Variants in NRXN3 observed in about 807,000 individuals in gnomAD.
NRXN3 encodes neurexin 3.
A neutral mutation model predicts 137.6 loss-of-function variants in NRXN3; 32 were observed. The ratio of observed to expected loss-of-function variants is 0.23; its 90% confidence interval spans 0.18 to 0.31. The LOEUF is 0.31. Ranked by LOEUF, NRXN3 falls within the 10% of genes least tolerant of loss-of-function variation. NRXN3 has a pLI of 1.00. For missense variants in NRXN3, 1,574 were observed against 2,062.5 expected (o/e 0.76, Z 4.59); for synonymous variants, 798 against 784.5 (o/e 1.02, Z -0.29).
At chr14:79,479,515 T>C (rs2096588405) in intron 16 of NRXN3, among the ~76,000 whole-genome samples, 1 of 151,860 alleles carries the variant, frequency 6.6e-6, no homozygotes, top group Admixed American at 6.6e-5. Context: ...TAATTTTCTA[T>C]TCAATATAAT....
At chr14:78,956,733 A>T (rs1395910929) in intron 10 of NRXN3, among the ~76,000 whole-genome samples, 3 of 152,090 alleles carry the variant, frequency 2.0e-5, no homozygotes, top group Non-Finnish European at 4.4e-5. Context: ...TCCTAGTAGG[A>T]CCCTGTGTTA....
At chr14:79,507,400 AT>A (rs1236411150) in intron 16 of NRXN3, among the ~76,000 whole-genome samples, 1 of 152,248 alleles carries the variant, frequency 6.6e-6, no homozygotes, top group Admixed American at 6.5e-5. Flanking sequence ...GTCTAAAATT[AT>A]TTTAAAATAA....
chr14:79,058,032 T>C (rs1043411784), intron 15 of NRXN3, among the ~76,000 whole-genome samples: 3 of 152,094 alleles, frequency 2.0e-5, no homozygotes, highest in Admixed American at 1.3e-4. Context: ...AGGTTAAAAA[T>C]ATGAATCTTT....
intron 19 of NRXN3, among the ~76,000 whole-genome samples, chr14:79,776,372 A>G (rs190137441): frequency 1.3e-5 from 2 of 152,302 alleles, no homozygotes; most frequent in African/African-American, 2.4e-5. Flanking sequence ...AAAGATTCCA[A>G]TGGACCAATA....
chr14:78,404,899 CAGGG>C (rs2153658409), intron 4 of NRXN3, among the ~76,000 whole-genome samples: 1 of 152,306 alleles, frequency 6.6e-6, no homozygotes, highest in Non-Finnish European at 1.5e-5. Flanking sequence ...CACACAAACA[CAGGG>C]TCTCTCTGCC....
At chr14:79,346,204 G>A (rs902995781) in intron 15 of NRXN3, among the ~76,000 whole-genome samples, 13 of 152,160 alleles carry the variant, frequency 8.5e-5, no homozygotes, top group African/African-American at 2.9e-4. Context: ...TGGATTACCT[G>A]AGGTCAGGAG....
chr14:78,311,357 T>C (rs2077958433), intron 4 of NRXN3, among the ~76,000 whole-genome samples: 2 of 152,158 alleles, frequency 1.3e-5, no homozygotes, highest in Non-Finnish European at 2.9e-5. Context: ...TGTGATCCCA[T>C]TATGCTTTCA....
intron 15 of NRXN3, among the ~76,000 whole-genome samples, chr14:79,170,617 T>G (rs1330910936): frequency 2.6e-5 from 4 of 152,064 alleles, no homozygotes; most frequent in Non-Finnish European, 4.4e-5. Flanking sequence ...TCTACTTTTT[T>G]TTGTTGTTGT....
At chr14:79,255,701 G>A (rs76223262) in intron 15 of NRXN3, among the ~76,000 whole-genome samples, 4,678 of 152,276 alleles carry the variant, frequency 0.031, 221 homozygotes, top group African/African-American at 0.1. Flanking sequence ...GCTACATAGC[G>A]AGGATTATGC....
rs2098945424 is a variant in NRXN3 at position 78,819,830 on chromosome 14, TTATAATTA to T, written c.2275+9492_2275+9499del. ...AACCAATCAGAAGCAGCCAACAAATTTATAATTATATAACTAGGGACTTTCCAATAGGA... is the reference window on the plus strand; with the variant it reads ...AACCAATCAGAAGCAGCCAACAAATTTATAACTAGGGACTTTCCAATAGGA... On this transcript the variant is annotated intron_variant, in intron 10 of 20. Coordinates refer to ENST00000335750, the MANE Select transcript of NRXN3 (RefSeq NM_001330195.2). Among the ~76,000 whole-genome samples, 3 of 152,126 alleles carry T rather than the reference TTATAATTA, an allele frequency of 2.0e-5. No individual in the cohort carries two copies. The East Asian group carries it at 5.8e-4, about 29-fold the overall frequency.
chr14:79,382,038 C>G (rs1266732871), intron 15 of NRXN3, among the ~76,000 whole-genome samples: 1 of 152,168 alleles, frequency 6.6e-6, no homozygotes, highest in Admixed American at 6.5e-5. Flanking sequence ...ATAATTTTGG[C>G]TTCACCACAT....
Position 79,174,979 on chromosome 14 carries a change from CTT to C in NRXN3, c.3262+186854_3262+186855del, listed in dbSNP as rs5809926. Among the ~76,000 whole-genome samples the C allele has an allele frequency of 1.8e-3, 230 of 124,910 alleles. 4 individuals are homozygous for C. In the South Asian group the frequency reaches 0.022, roughly 12 times the overall value. 81.9% of individuals were successfully genotyped at this position (124,910 alleles called of 152,430 possible). A position where few individuals can be genotyped will look rare whatever the true frequency, so the allele number is the denominator to read the frequency against. ...TAAAATAACTTAGAATTCAGATTTC[CTT>C]TTTTTTTTTTTTTTTCTGAGGCGGA... On this transcript the variant is annotated intron_variant, in intron 15 of 20. Transcript: ENST00000335750.
At chr14:78,309,465 C>T (rs1256592257) in intron 4 of NRXN3, among the ~76,000 whole-genome samples, 6 of 151,838 alleles carry the variant, frequency 4.0e-5, no homozygotes, top group Admixed American at 3.9e-4. Context: ...CATCCTCCAC[C>T]CTCAAGTAGT....
At chr14:78,714,455 A>G (rs1393737865) in intron 7 of NRXN3, among the ~76,000 whole-genome samples, 2 of 152,204 alleles carry the variant, frequency 1.3e-5, no homozygotes, top group African/African-American at 2.4e-5. Context: ...TACAGGCAGG[A>G]ACTGTGCTGC....
intron 10 of NRXN3, among the ~76,000 whole-genome samples, chr14:78,844,701 G>T (rs2099021691): frequency 6.6e-6 from 1 of 152,066 alleles, no homozygotes; most frequent in Admixed American, 6.6e-5. Context: ...AAAGACTAGT[G>T]TGAGGCTGGC....
intron 10 of NRXN3, among the ~76,000 whole-genome samples, chr14:78,819,632 A>G (rs2098944832): frequency 6.6e-6 from 1 of 152,176 alleles, no homozygotes; most frequent in Admixed American, 6.5e-5. Context: ...GAAAATTAGG[A>G]GGTATTATGG....
At chr14:78,456,802 T>TC (rs2094723061) in intron 4 of NRXN3, among the ~76,000 whole-genome samples, 1 of 83,094 alleles carries the variant, frequency 1.2e-5, no homozygotes, top group Non-Finnish European at 2.6e-5. Flanking sequence ...TCTTTCTCTC[T>TC]TTCTTTCTTT....
Position 78,820,267 on chromosome 14 carries a change from G to C in NRXN3, c.2275+9923G>C, listed in dbSNP as rs527956250. On this transcript the variant is annotated intron_variant, in intron 10 of 20. Coordinates refer to ENST00000335750, the MANE Select transcript of NRXN3 (RefSeq NM_001330195.2). ...ATATATATATATATAAATTGCAGTT[G>C]TTTTTATGCATATCATAAAAGATAA... is the stretch of plus-strand genomic sequence containing the variant. Among the ~76,000 whole-genome samples the C allele has an allele frequency of 7.4e-5, 11 of 148,630 alleles. No individual in the cohort carries two copies. In the South Asian group the frequency reaches 2.3e-3, roughly 31 times the overall value.
chr14:78,808,038 C>T (rs1490444009), intron 9 of NRXN3, among the ~76,000 whole-genome samples: 1 of 151,550 alleles, frequency 6.6e-6, no homozygotes, highest in African/African-American at 2.4e-5. Flanking sequence ...TATACACACG[C>T]ACACACACAC....
Sources: gnomAD v4.1 joint callset for allele counts (sites outside exome capture counted in the v4.1 genomes callset) on GRCh38, gnomAD v4.1.1 for gene constraint, MANE v1.5 for transcripts, NCBI Gene and HGNC (gene_info 2026-07-23, HGNC 2026-07-21) for gene names.